Variants in IQSEC1 observed in about 807,000 individuals in gnomAD.
The protein encoded by IQSEC1 is IQ motif and SEC7 domain-containing protein 1.
A neutral mutation model predicts 91.0 loss-of-function variants in IQSEC1; 31 were observed. That is an observed-to-expected ratio of 0.34 (90% CI 0.26 to 0.46). The LOEUF is 0.46. Ranked by LOEUF, IQSEC1 falls within the 20% of genes least tolerant of loss-of-function variation. The probability of loss-of-function intolerance (pLI) is 1.00; values close to 1 mark genes in which losing one functional copy is unlikely to be tolerated. For synonymous variants in IQSEC1, 699 were observed against 662.6 expected, an observed-to-expected ratio of 1.05 and a Z score of -0.84; for missense variants, 1,388 against 1,575.6, an observed-to-expected ratio of 0.88 and a Z score of 2.02.
At chr3:12,950,988 T>C (rs1183475256) in intron 1 of IQSEC1, among the ~76,000 whole-genome samples, 1 of 152,166 alleles carries the variant, frequency 6.6e-6, no homozygotes, top group African/African-American at 2.4e-5. Flanking sequence ...CTCTTGCCTG[T>C]AGTCCTGGCT....
At chr3:13,199,390 G>A (rs1364328718) in intron 1 of IQSEC1, among the ~76,000 whole-genome samples, 3 of 152,180 alleles carry the variant, frequency 2.0e-5, no homozygotes, top group Admixed American at 6.5e-5. Flanking sequence ...AAGCTCCTAG[G>A]GCACCCCCTG....
At chr3:12,941,890 G>A (rs1443214418) in intron 1 of IQSEC1, 25 bp from the exon 2 acceptor site, 2 of 1,551,420 alleles carry the variant, frequency 1.3e-6, no homozygotes, top group East Asian at 2.3e-5. Flanking sequence ...GAGGTGAGAA[G>A]CTTCTGGTAA....
At chr3:13,032,899 C>T (rs1012369973) in intron 1 of IQSEC1, among the ~76,000 whole-genome samples, 1 of 152,114 alleles carries the variant, frequency 6.6e-6, no homozygotes, top group Non-Finnish European at 1.5e-5. Context: ...TATATAAAGC[C>T]CCACATTGGT....
At chr3:13,110,943 C>T (rs1208077779) in intron 2 of IQSEC1, among the ~76,000 whole-genome samples, 5 of 152,152 alleles carry the variant, frequency 3.3e-5, no homozygotes, top group South Asian at 2.1e-4. Flanking sequence ...GGGGAATTAC[C>T]GCACCAGCTG....
intron 1 of IQSEC1, among the ~76,000 whole-genome samples, chr3:13,166,711 G>T (rs1488496748): frequency 6.6e-6 from 1 of 152,208 alleles, no homozygotes; most frequent in African/African-American, 2.4e-5. Context: ...GACCTGTGGG[G>T]GCCTGCAGGG....
chr3:12,986,112 C>T (rs564969782), intron 1 of IQSEC1, among the ~76,000 whole-genome samples: 8 of 152,300 alleles, frequency 5.3e-5, no homozygotes, highest in East Asian at 3.9e-4. Flanking sequence ...ATGCTACAAA[C>T]GAGGAAATGG....
At chr3:13,043,826 G>A (rs1704382603) in intron 1 of IQSEC1, among the ~76,000 whole-genome samples, 1 of 152,184 alleles carries the variant, frequency 6.6e-6, no homozygotes. Context: ...GCCCAGGTTT[G>A]CACAACCCGA....
At chr3:13,058,769 T>C (rs1365828262) in intron 1 of IQSEC1, among the ~76,000 whole-genome samples, 1 of 152,176 alleles carries the variant, frequency 6.6e-6, no homozygotes, top group Admixed American at 6.5e-5. Context: ...GGGGCTTCTA[T>C]TTTAGGGGCG....
intron 1 of IQSEC1, among the ~76,000 whole-genome samples, chr3:13,175,688 G>A (rs773511585): frequency 2.0e-5 from 3 of 152,204 alleles, no homozygotes; most frequent in African/African-American, 4.8e-5. Context: ...TTTATTCCTC[G>A]ACGTTTGAGA....
intron 1 of IQSEC1, among the ~76,000 whole-genome samples, chr3:12,966,207 GC>G (rs1700555145): frequency 6.6e-6 from 1 of 152,214 alleles, no homozygotes; most frequent in Admixed American, 6.5e-5. Context: ...CACCCCAGAT[GC>G]AAGGAGCAAT....
rs550949021 is a variant in IQSEC1, at chr3:12,901,186, G to A, written c.3142C>T (p.Pro1048Ser). ...PPYHHHHHHH[P>S]PQHIQHAHQY... ...TGTGCGTGCTGGATGTGCTGGGGTG[G>A]GTGGTGGTGGTGGTGATGGTGGTAC... Residue 1048 changes from proline (P) to serine (S), a missense_variant, in exon 14 of 14, where the codon CCA (proline) becomes TCA (serine). By Grantham distance (74) the Pro-to-Ser change is moderately conservative (BLOSUM62 -1). This residue lies in a region of IQSEC1 where 329 missense variants were observed against 257.8 expected (regional missense o/e 1.28). Transcript: ENST00000613206. The A allele has an allele frequency of 1.7e-4, 256 of 1,514,114 alleles. No homozygotes were observed. The highest frequency in any genetic ancestry group is 2.2e-4 in the Non-Finnish European group (244 of 1,119,198). 93.8% of individuals were successfully genotyped at this position (1,514,114 alleles called of 1,614,324 possible). A position where few individuals can be genotyped will look rare whatever the true frequency, so the allele number is the denominator to read the frequency against.
At chr3:13,101,927 ACT>A (rs1000541038) in intron 2 of IQSEC1, among the ~76,000 whole-genome samples, 1 of 121,812 alleles carries the variant, frequency 8.2e-6, no homozygotes, top group Non-Finnish European at 1.6e-5. Flanking sequence ...TTTGAAACTG[ACT>A]CTGGCCTTGC....
chr3:13,269,892 G>A (rs184003232), intron 1 of IQSEC1, among the ~76,000 whole-genome samples: 8 of 152,344 alleles, frequency 5.3e-5, no homozygotes, highest in East Asian at 3.9e-4. Context: ...TGTGATCTGC[G>A]TGACCAATAA....
chr3:12,913,374 C>G (rs988414737), intron 9 of IQSEC1, 54 bp downstream of exon 9: 1 of 1,529,054 alleles, frequency 6.5e-7, no homozygotes, highest in South Asian at 1.2e-5. Flanking sequence ...AGACATGGAC[C>G]CTGGGCTCAG....
chr3:13,095,349 G>A (rs142244180), intron 2 of IQSEC1, among the ~76,000 whole-genome samples: 36 of 152,206 alleles, frequency 2.4e-4, no homozygotes, highest in Middle Eastern at 6.8e-3. Context: ...CTCCCAAGCA[G>A]AAACCCTGAG....
intron 1 of IQSEC1, among the ~76,000 whole-genome samples, chr3:13,278,529 T>TG (rs1238127165): frequency 6.6e-6 from 1 of 151,998 alleles, no homozygotes; most frequent in Non-Finnish European, 1.5e-5. Flanking sequence ...GGATAGGAGC[T>TG]GGGGGGAGGC....
At chr3:13,154,817 A>G (rs930811481) in intron 2 of IQSEC1, among the ~76,000 whole-genome samples, 1 of 152,092 alleles carries the variant, frequency 6.6e-6, no homozygotes, top group African/African-American at 2.4e-5. Flanking sequence ...ATAGAGGAAA[A>G]ACCTAAAAAT....
At chr3:13,174,831 G>GCC (rs1308647383) in intron 1 of IQSEC1, among the ~76,000 whole-genome samples, 2 of 128,714 alleles carry the variant, frequency 1.6e-5, no homozygotes, top group South Asian at 2.6e-4. Context: ...TGGTCTTTCT[G>GCC]CTCCCCCCCC....
chr3:13,086,908 C>A lies in IQSEC1; in HGVS notation c.303-39386G>T, dbSNP rs1705745740. Among the ~76,000 whole-genome samples the A allele has an allele frequency of 2.0e-5, 3 of 152,208 alleles. No homozygotes were observed. In the South Asian group the frequency reaches 6.2e-4, roughly 32 times the overall value. On this transcript the variant is annotated intron_variant, in intron 2 of 15. Coordinates refer to the IQSEC1 transcript ENST00000648114. ...TCAAGAAAATATCCTGTCCACAAGGCAGGGTCACCCCCTGTCTTGGTTATC... is the reference window on the plus strand; with the variant it reads ...TCAAGAAAATATCCTGTCCACAAGGAAGGGTCACCCCCTGTCTTGGTTATC...
Sources: gnomAD v4.1 joint callset for allele counts (sites outside exome capture counted in the v4.1 genomes callset) on GRCh38, gnomAD v4.1.1 for gene constraint, gnomAD v4.1.1 regional missense constraint, MANE v1.5 for transcripts, NCBI Gene and HGNC (gene_info 2026-07-23, HGNC 2026-07-21) for gene names.